OSBPL10: variants seen among roughly 807,000 people sequenced by gnomAD.
OSBPL10 encodes the protein oxysterol binding protein like 10, also known as oxysterol-binding protein-related protein 10.
A neutral mutation model predicts 81.7 loss-of-function variants in OSBPL10; 49 were observed. That is an observed-to-expected ratio of 0.60 (90% CI 0.48 to 0.76). The LOEUF (loss-of-function observed/expected upper bound fraction) is 0.76, where lower values mean the gene tolerates loss of function less well. Among genes scored for constraint, OSBPL10 ranks in the 30% least tolerant of loss-of-function variants. The pLI is 0.00. For synonymous variants in OSBPL10, 419 were observed against 383.6 expected (o/e 1.09, Z -1.08); for missense variants, 923 against 987.8 (o/e 0.93, Z 0.88).
At chr3:31,918,411 C>G (rs1197671407) in intron 1 of OSBPL10, among the ~76,000 whole-genome samples, 3 of 151,888 alleles carry the variant, frequency 2.0e-5, no homozygotes, top group Admixed American at 2.0e-4. Context: ...TCACTGTAGC[C>G]TCGAACTCCT....
chr3:31,870,547 C>G (rs1380386838), intron 3 of OSBPL10, among the ~76,000 whole-genome samples: 1 of 152,254 alleles, frequency 6.6e-6, no homozygotes, highest in South Asian at 2.1e-4. Context: ...AGCCCCGGTG[C>G]GGGATCCACT....
chr3:31,993,956 C>T (rs975567425), intron 2 of OSBPL10, among the ~76,000 whole-genome samples: 5 of 152,066 alleles, frequency 3.3e-5, no homozygotes, highest in Admixed American at 1.3e-4. Flanking sequence ...CATCAAAACC[C>T]GGAAACAACC....
intron 7 of OSBPL10, among the ~76,000 whole-genome samples, chr3:31,689,396 A>C (rs1166436160): frequency 6.6e-6 from 1 of 152,188 alleles, no homozygotes. Flanking sequence ...TCAATGTTAC[A>C]TTTCCCAATG....
chr3:31,940,696 G>T (rs1431625918), intron 1 of OSBPL10, among the ~76,000 whole-genome samples: 2 of 151,736 alleles, frequency 1.3e-5, no homozygotes, highest in African/African-American at 4.8e-5. Context: ...CTTCACCCCT[G>T]GCCTCTCTGC....
At chr3:31,833,693 GCACACGCACACGCACACACACA>G (rs1246125899) in intron 3 of OSBPL10, among the ~76,000 whole-genome samples, 58 of 132,976 alleles carry the variant, frequency 4.4e-4, no homozygotes, top group African/African-American at 1.7e-3. Flanking sequence ...GGGAAAACAC[GCACACGCACACGCACACACACA>G]CACACACACA....
chr3:31,783,445 TCA>T (rs1698756186), intron 4 of OSBPL10, among the ~76,000 whole-genome samples: 1 of 151,446 alleles, frequency 6.6e-6, no homozygotes, highest in South Asian at 2.1e-4. Context: ...ATCTCAGAAA[TCA>T]CCACTAAAGA....
At chr3:32,076,448 G>A (rs1270105117) in intron 1 of OSBPL10, among the ~76,000 whole-genome samples, 1 of 151,868 alleles carries the variant, frequency 6.6e-6, no homozygotes, top group African/African-American at 2.4e-5. Context: ...GAAATAAACA[G>A]CCTCGTTGCT....
intron 1 of OSBPL10, among the ~76,000 whole-genome samples, chr3:31,893,916 T>C (rs1167010321): frequency 2.6e-5 from 4 of 152,216 alleles, no homozygotes; most frequent in Non-Finnish European, 5.9e-5. Flanking sequence ...GTGTTAGAAA[T>C]ATTCTCAAAC....
chr3:31,987,225 C>T (rs1698947277), intron 2 of OSBPL10, among the ~76,000 whole-genome samples: 1 of 152,044 alleles, frequency 6.6e-6, no homozygotes, highest in Non-Finnish European at 1.5e-5. Context: ...TACTATAAAA[C>T]ATATAATACT....
intron 1 of OSBPL10, among the ~76,000 whole-genome samples, chr3:31,939,143 C>CTTTTTTTTTTTTTTTTTTTTTTT (rs1559525545): frequency 2.0e-5 from 1 of 49,700 alleles, no homozygotes; most frequent in African/African-American, 6.8e-5. Flanking sequence ...ACTCTCTCAT[C>CTTTTTTTTTTTTTTTTTTTTTTT]CTTTTTTTTT....
At chr3:32,016,169 C>T (rs1196090958) in intron 2 of OSBPL10, among the ~76,000 whole-genome samples, 1 of 152,166 alleles carries the variant, frequency 6.6e-6, no homozygotes, top group Admixed American at 6.6e-5. Flanking sequence ...CAGCACTATT[C>T]ACAACAGCAA....
intron 6 of OSBPL10, among the ~76,000 whole-genome samples, chr3:31,727,839 TA>T (rs1298815109): frequency 6.6e-6 from 1 of 152,090 alleles, no homozygotes; most frequent in Non-Finnish European, 1.5e-5. Context: ...ATGAAAAATT[TA>T]AAAAAATGAT....
chr3:31,881,650 G>A (rs376890120), intron 1 of OSBPL10, among the ~76,000 whole-genome samples: 1 of 151,986 alleles, frequency 6.6e-6, no homozygotes, highest in Non-Finnish European at 1.5e-5. Flanking sequence ...AAGTAATTGT[G>A]GTTATTTAAG....
chr3:31,949,395 A>G (rs1026119126), intron 1 of OSBPL10, among the ~76,000 whole-genome samples: 1 of 152,142 alleles, frequency 6.6e-6, no homozygotes, highest in African/African-American at 2.4e-5. Context: ...CCGGCTGGGC[A>G]CGGTGGCTCA....
At chr3:31,670,624 T>C (rs1700299667) in intron 9 of OSBPL10, among the ~76,000 whole-genome samples, 173 bp downstream of exon 9, 1 of 152,142 alleles carries the variant, frequency 6.6e-6, no homozygotes, top group Non-Finnish European at 1.5e-5. Flanking sequence ...TGGGGAGGAC[T>C]CCAAAAAACT....
rs139857099 is a variant in OSBPL10 at position 31,723,422 on chromosome 3, T to C, written c.1095+9835A>G. Among the ~76,000 whole-genome samples the C allele has an allele frequency of 3.2e-3, 482 of 152,244 alleles. 1 individual carries two copies. The highest frequency in any genetic ancestry group is 0.011 in the African/African-American group (464 of 41,544). ...ACAGGATGGATAGCCAAACAGCTGCTGGTACAGTACTTTCAAGTATTACAG... is the reference window on the plus strand; with the variant it reads ...ACAGGATGGATAGCCAAACAGCTGCCGGTACAGTACTTTCAAGTATTACAG... On this transcript the variant is annotated intron_variant, in intron 6 of 11. Transcript: ENST00000396556.
At chr3:32,000,503 T>C (rs1029306520) in intron 2 of OSBPL10, among the ~76,000 whole-genome samples, 1 of 152,234 alleles carries the variant, frequency 6.6e-6, no homozygotes, top group Non-Finnish European at 1.5e-5. Flanking sequence ...GAGGCCAGCA[T>C]GCTGACTCCC....
chr3:32,030,494 A>G, intron 2 of OSBPL10: 1 of 709,764 alleles, frequency 1.4e-6, no homozygotes. Flanking sequence ...AAGCACTCTA[A>G]GGGCTGAGAT....
At chr3:31,749,924 T>C (rs1697659700) in intron 4 of OSBPL10, among the ~76,000 whole-genome samples, 1 of 151,902 alleles carries the variant, frequency 6.6e-6, no homozygotes, top group African/African-American at 2.4e-5. Context: ...CTCACGCCTG[T>C]AATCCCAACA....
Sources: allele counts gnomAD v4.1 joint callset (sites outside exome capture counted in the v4.1 genomes callset), GRCh38; gene constraint gnomAD v4.1.1; transcripts MANE v1.5; gene names NCBI Gene and HGNC (gene_info 2026-07-23, HGNC 2026-07-21).